Variants in CA3 observed in about 807,000 individuals in gnomAD.
The protein encoded by CA3 is carbonic anhydrase 3.
A neutral mutation model predicts 35.7 loss-of-function variants in CA3; 30 were observed. The observed-to-expected ratio is 0.84, with a 90% CI of 0.63 to 1.14. The LOEUF (loss-of-function observed/expected upper bound fraction) is 1.14, where lower values mean the gene tolerates loss of function less well. Among genes scored for constraint, CA3 ranks in the 50% most tolerant of loss-of-function variants. The pLI is 0.00. For synonymous variants in CA3, 131 were observed against 130.8 expected, an observed-to-expected ratio of 1.00 and a Z score of -0.01; for missense variants, 295 against 328.5, an observed-to-expected ratio of 0.90 and a Z score of 0.79.
At chr8:85,443,626 G>T (rs1007345129) in intron 3 of CA3, among the ~76,000 whole-genome samples, 1 of 152,124 alleles carries the variant, frequency 6.6e-6, no homozygotes, top group African/African-American at 2.4e-5. Flanking sequence ...ATGCAGGCAA[G>T]GCTTTCAGTT....
At chr8:85,441,939 G>A in intron 2 of CA3, 134 bp from the exon 3 acceptor site, 1 of 671,204 alleles carries the variant, frequency 1.5e-6, no homozygotes, top group South Asian at 1.7e-5. Context: ...CCAGTGTCCT[G>A]GGAGTGGCAC....
At chr8:85,439,662 C>A in intron 1 of CA3, 50 bp from the exon 2 acceptor site, 1 of 1,371,042 alleles carries the variant, frequency 7.3e-7, no homozygotes, top group South Asian at 1.2e-5. Context: ...TAGAAAGAGG[C>A]CTTGGGTTGT....
chr8:85,445,181 A>C lies in CA3; in HGVS notation c.470A>C (p.Gln157Pro). Residue 157 changes from glutamine (Q) to proline (P), a missense_variant, in exon 5 of 7, where the codon CAG becomes CCG. Transcript: ENST00000285381. ...LKIGHENGEF[Q>P]IFLDALDKIK... ...ATAGGACATGAGAATGGCGAGTTCC[A>C]GATTTTCCTTGATGCATTGGACAAG... The C allele has an allele frequency of 6.2e-7, 1 of 1,609,034 alleles. No homozygotes were observed. The highest frequency in any genetic ancestry group is 8.5e-7 in the Non-Finnish European group (1 of 1,177,006).
chr8:85,442,330 A>G (rs1481294543), intron 3 of CA3, 139 bp downstream of exon 3: 1 of 649,640 alleles, frequency 1.5e-6, no homozygotes, highest in Non-Finnish European at 2.8e-6. Flanking sequence ...TACTAGTTTT[A>G]GCTGAACTGA....
At chr8:85,445,851 G>A (rs1811281230) in intron 5 of CA3, among the ~76,000 whole-genome samples, 1 of 152,064 alleles carries the variant, frequency 6.6e-6, no homozygotes, top group Non-Finnish European at 1.5e-5. Flanking sequence ...TTACACTTGA[G>A]ATATCAGTTT....
rs768433048 is a variant in CA3 at position 85,442,090 on chromosome 8, C to T, written c.250C>T (p.Leu84Phe). The part of the protein sequence containing the change: ...YDRSMLRGGP[L>F]PGPYRLRQFH... ...AATCACAGTGCTGAGAGGGGGTCCT[C>T]TCCCTGGACCCTACCGACTTCGCCA... The change falls in exon 3 of 7, where the codon CTC becomes TTC. Residue 84 changes from leucine to phenylalanine, a missense_variant. Coordinates refer to ENST00000285381, the MANE Select transcript of CA3 (RefSeq NM_005181.4). 3 of 1,560,834 alleles carry T rather than the reference C, an allele frequency of 1.9e-6. No individual in the cohort carries two copies. In the African/African-American group the frequency reaches 4.1e-5, roughly 21 times the overall value.
chr8:85,438,868 G>A lies in CA3; in HGVS notation c.-42G>A. 6.5e-7 allele frequency: 1 copy of A among 1,550,096 alleles called. No individual in the cohort carries two copies. On this transcript the variant is annotated 5_prime_UTR_variant, in exon 1 of 7. Transcript: ENST00000285381. Reference sequence around the variant, plus strand: ...TCGCGGCGACTCTGCACCACGCAGGGGAAGAGAAAGCAGGAGCCGTCCAGC... The same window carrying A: ...TCGCGGCGACTCTGCACCACGCAGGAGAAGAGAAAGCAGGAGCCGTCCAGC...
intron 6 of CA3, among the ~76,000 whole-genome samples, chr8:85,447,379 C>T (rs1811306489): frequency 6.6e-6 from 1 of 152,124 alleles, no homozygotes; most frequent in African/African-American, 2.4e-5. Flanking sequence ...ATGTGGTCAT[C>T]CTCTCCAACA....
Position 85,438,893 on chromosome 8 carries a change from C to T in CA3, c.-17C>T. 1 of 1,550,992 alleles carries T rather than the reference C, an allele frequency of 6.4e-7. No homozygotes were observed. Among genetic ancestry groups the T allele is most frequent in the Non-Finnish European group, 8.7e-7 (1 of 1,146,988 alleles). On this transcript the variant is annotated 5_prime_UTR_variant, in exon 1 of 7. Coordinates refer to ENST00000285381, the MANE Select transcript of CA3 (RefSeq NM_005181.4). ...GGAAGAGAAAGCAGGAGCCGTCCAG[C>T]ACGGAGGAAGGCGACCATGGCCAAG...
chr8:85,448,055 CTCTCCA>C lies in CA3; in HGVS notation c.686_691del (p.Leu229_Ser231delinsArg). On this transcript the variant is annotated inframe_deletion, in exon 7 of 7. Transcript: ENST00000285381. ...GCAGATGGCCAAGCTGCGGAGCCTC[CTCTCCA>C]GTGCTGAGAACGAGCCCCCAGTGCC... The C allele has an allele frequency of 6.2e-7, 1 of 1,612,350 alleles. No homozygotes were observed.
chr8:85,444,013 A>G (rs1811242729), intron 3 of CA3, 21 bp from the exon 4 acceptor site: 2 of 1,505,640 alleles, frequency 1.3e-6, no homozygotes, highest in Non-Finnish European at 1.9e-6. Context: ...TTACCTTCTA[A>G]TCTGTCTTCT....
Position 85,438,937 on chromosome 8 carries a change from C to T in CA3, c.28C>T (p.His10Tyr), listed in dbSNP as rs1159810520. Residue 10 changes from histidine (H) to tyrosine (Y), a missense_variant, in exon 1 of 7, where the codon CAC becomes TAC. By Grantham distance (83) the His-to-Tyr change is moderately conservative (BLOSUM62 2). Coordinates refer to ENST00000285381, the MANE Select transcript of CA3 (RefSeq NM_005181.4). ...GGCCAAGGAGTGGGGCTACGCCAGT[C>T]ACAACGGTGAGTGCAGGCAGCCGCG... MAKEWGYAS[H>Y]NGPDHWHELF... is the part of the protein sequence containing the mutation. 8.4e-5 allele frequency: 131 copies of T among 1,551,144 alleles called. No individual in the cohort carries two copies. Among genetic ancestry groups the T allele is most frequent in the Non-Finnish European group, 1.1e-5 (13 of 1,146,994 alleles).
chr8:85,442,220 G>A (rs189829823), intron 3 of CA3, 29 bp downstream of exon 3: 46 of 1,163,794 alleles, frequency 4.0e-5, no homozygotes, highest in Admixed American at 3.4e-4. Context: ...ATCCATTCTC[G>A]GTCTCATACA....
At position 85,442,806 on chromosome 8, in the gene CA3, C is replaced by T. The variant is rs944264557; in HGVS notation, c.351+615C>T. ...GGAACTGGAAAAAGGATAGCTAATA[C>T]TTATTAAATGCTTACATGTATTAAC... On this transcript the variant is annotated intron_variant, in intron 3 of 6. Transcript: ENST00000285381. Among the ~76,000 whole-genome samples the T allele has an allele frequency of 1.1e-4, 16 of 152,262 alleles. No homozygotes were observed. The South Asian group carries it at 2.5e-3, about 24-fold the overall frequency.
At position 85,445,330 on chromosome 8, in the gene CA3, T is replaced by C; in HGVS notation, c.507+112T>C. ...AATCTGTTACTAAGTTTGATGGATA[T>C]GCTAAGCATACATATAAAAATAAAT... On this transcript the variant is annotated intron_variant, in intron 5 of 6. Transcript: ENST00000285381. The C allele has an allele frequency of 7.9e-6, 5 of 636,280 alleles. No homozygotes were observed. The East Asian group carries it at 1.1e-4, about 14-fold the overall frequency. The allele number at this position is 636,280 out of a possible 1,614,324, so 39.4% of individuals were successfully genotyped here.
At position 85,446,251 on chromosome 8, in the gene CA3, T is replaced by A; in HGVS notation, c.617T>A (p.Ile206Asn). 6.2e-7 allele frequency: 1 copy of A among 1,614,152 alleles called. No individual in the cohort carries two copies. Among genetic ancestry groups the A allele is most frequent in the Non-Finnish European group, 8.5e-7 (1 of 1,179,990 alleles). Residue 206 changes from isoleucine (I) to asparagine (N), a missense_variant, in exon 6 of 7, where the codon ATT (isoleucine) becomes AAT (asparagine). Ile to Asn is a moderately radical substitution (Grantham distance 149, BLOSUM62 -3). Transcript: ENST00000285381. ...ACCACGCCGCCCTGCGAGGAATGCA[T>A]TGTGTGGCTGCTGCTGAAGGAGCCC... ...SFTTPPCEECIVWLLLKEPMT... is the reference protein window; with the variant it reads ...SFTTPPCEECNVWLLLKEPMT...
chr8:85,445,405 C>G (rs1811272951), intron 5 of CA3, among the ~76,000 whole-genome samples, 187 bp downstream of exon 5: 1 of 151,762 alleles, frequency 6.6e-6, no homozygotes, highest in Non-Finnish European at 1.5e-5. Context: ...TCACATATAT[C>G]AGTTTTTTTA....
chr8:85,448,330 C>T lies in CA3; in HGVS notation c.*177C>T. 2.0e-6 allele frequency: 1 copy of T among 511,362 alleles called. No homozygotes were observed. Among genetic ancestry groups the T allele is most frequent in the South Asian group, 4.4e-5 (1 of 22,786 alleles). The allele number at this position is 511,362 out of a possible 1,614,324, so 31.7% of individuals were successfully genotyped here. On this transcript the variant is annotated 3_prime_UTR_variant, in exon 7 of 7. Coordinates refer to ENST00000285381, the MANE Select transcript of CA3 (RefSeq NM_005181.4). ...CTTGTTGAAAGAAAGTTACTTTCGA[C>T]AAGATCTAATATGAAAGCATAGATT... is the stretch of plus-strand genomic sequence containing the variant.
rs1339538361 is a variant in CA3, at chr8:85,445,289, T to G, written c.507+71T>G. On this transcript the variant is annotated intron_variant, in intron 5 of 6. Transcript: ENST00000285381. The stretch of plus-strand genomic sequence containing the variant: ...CAGATTTTCTTTACATATTTTCAAG[T>G]ATTTTTTTCACCTAAAATCTGTTAC... The G allele has an allele frequency of 1.1e-5, 11 of 1,024,584 alleles. No homozygotes were observed. In the East Asian group the frequency reaches 2.7e-4, roughly 25 times the overall value. 63.5% of individuals were successfully genotyped at this position (1,024,584 alleles called of 1,614,324 possible).
Sources: allele counts gnomAD v4.1 joint callset (sites outside exome capture counted in the v4.1 genomes callset), GRCh38; gene constraint gnomAD v4.1.1; transcripts MANE v1.5; gene names NCBI Gene and HGNC (gene_info 2026-07-23, HGNC 2026-07-21).